The following RANBP17 variants were observed in gnomAD, a reference collection of about 807,000 sequenced individuals.
RANBP17 encodes RAN binding protein 17.
Under a neutral mutation model 141.2 loss-of-function variants are expected in RANBP17, and 158 were observed. The ratio of observed to expected loss-of-function variants is 1.12; its 90% CI spans 0.98 to 1.28. The LOEUF (loss-of-function observed/expected upper bound fraction) is 1.28. Among genes scored for constraint, RANBP17 ranks in the 50% most tolerant of loss-of-function variants. RANBP17 has a pLI of 0.00. For missense variants in RANBP17, 1,438 were observed against 1,290.7 expected, an observed-to-expected ratio of 1.11 and a Z score of -1.75; for synonymous variants, 430 against 450.0, an observed-to-expected ratio of 0.96 and a Z score of 0.56.
chr5:171,274,452 A>C (rs1767370531), intron 25 of RANBP17, among the ~76,000 whole-genome samples: 1 of 152,156 alleles, frequency 6.6e-6, no homozygotes, highest in Admixed American at 6.6e-5. Context: ...TTTGTTATTA[A>C]CCATATCTTT....
chr5:171,095,857 G>A (rs956082185), intron 14 of RANBP17, among the ~76,000 whole-genome samples: 2 of 152,068 alleles, frequency 1.3e-5, no homozygotes, highest in African/African-American at 4.8e-5. Context: ...AGCCTTACCA[G>A]TAAAATGAAC....
intron 14 of RANBP17, among the ~76,000 whole-genome samples, chr5:171,109,486 C>G (rs1755068660): frequency 6.6e-6 from 1 of 151,896 alleles, no homozygotes; most frequent in Non-Finnish European, 1.5e-5. Context: ...GACAGTCGTC[C>G]CTCAGTATCT....
chr5:171,096,607 C>T (rs1314563376), intron 14 of RANBP17, among the ~76,000 whole-genome samples: 2 of 152,036 alleles, frequency 1.3e-5, no homozygotes, highest in African/African-American at 4.8e-5. Flanking sequence ...GAGATACTGC[C>T]TACCAAAGGG....
At chr5:171,169,723 T>A (rs984782581) in intron 14 of RANBP17, among the ~76,000 whole-genome samples, 5 of 152,092 alleles carry the variant, frequency 3.3e-5, no homozygotes, top group African/African-American at 1.2e-4. Context: ...TGGTTAATAT[T>A]TTGCTGAAAT....
intron 14 of RANBP17, among the ~76,000 whole-genome samples, chr5:171,089,664 C>T (rs1271551027): frequency 5.9e-5 from 9 of 152,136 alleles, no homozygotes; most frequent in African/African-American, 1.7e-4. Context: ...TCTCGTGGTG[C>T]GCCGTTTTTT....
chr5:171,031,086 T>C (rs1707819107), intron 14 of RANBP17, among the ~76,000 whole-genome samples: 1 of 152,016 alleles, frequency 6.6e-6, no homozygotes. Flanking sequence ...GAACTAAAAT[T>C]TGGAAACTTA....
At chr5:171,280,085 G>A (rs1337348634) in intron 25 of RANBP17, among the ~76,000 whole-genome samples, 3 of 152,120 alleles carry the variant, frequency 2.0e-5, no homozygotes, top group African/African-American at 7.2e-5. Context: ...ACAGTATAAA[G>A]TAAGAGTGGG....
intron 21 of RANBP17, among the ~76,000 whole-genome samples, chr5:171,214,065 A>G (rs1763069187): frequency 6.6e-6 from 1 of 152,334 alleles, no homozygotes; most frequent in South Asian, 2.1e-4. Context: ...ATGCAATTCT[A>G]TAGAATTTTA....
chr5:171,090,569 C>A (rs1311535769), intron 14 of RANBP17, among the ~76,000 whole-genome samples: 1 of 152,124 alleles, frequency 6.6e-6, no homozygotes, highest in Non-Finnish European at 1.5e-5. Flanking sequence ...CGAATGTTAA[C>A]CACTAAGACA....
intron 16 of RANBP17, among the ~76,000 whole-genome samples, chr5:171,179,643 C>T (rs1328783045): frequency 6.6e-6 from 1 of 152,066 alleles, no homozygotes; most frequent in African/African-American, 2.4e-5. Flanking sequence ...GTATCTAGTA[C>T]ACTAATATAA....
rs181885542 is a variant in RANBP17 at position 171,043,026 on chromosome 5, G to A, written c.1710+74649G>A. Reference sequence around the variant, plus strand: ...AAAAAAGAGATATAGCTGATGGTGTGTATTGATTGATGACTACTTTCCTGT... The same window carrying A: ...AAAAAAGAGATATAGCTGATGGTGTATATTGATTGATGACTACTTTCCTGT... On this transcript the variant is annotated intron_variant, in intron 14 of 27. Coordinates refer to ENST00000523189, the MANE Select transcript of RANBP17 (RefSeq NM_022897.5). Among the ~76,000 whole-genome samples the A allele has an allele frequency of 4.7e-3, 720 of 152,282 alleles. 4 individuals carry two copies. Among genetic ancestry groups the A allele is most frequent in the African/African-American group, 0.017 (698 of 41,572 alleles).
intron 13 of RANBP17, among the ~76,000 whole-genome samples, chr5:170,960,516 T>C (rs1178350103): frequency 6.6e-6 from 1 of 152,182 alleles, no homozygotes; most frequent in African/African-American, 2.4e-5. Flanking sequence ...CCTTAACTTT[T>C]TCCCTTTTTC....
chr5:171,250,169 A>G (rs1765466562), intron 24 of RANBP17, among the ~76,000 whole-genome samples: 2 of 152,204 alleles, frequency 1.3e-5, no homozygotes, highest in South Asian at 4.1e-4. Context: ...AACCTTTGTA[A>G]ATGAAGGAGA....
chr5:170,995,743 A>G (rs923811728), intron 14 of RANBP17, among the ~76,000 whole-genome samples: 3 of 152,160 alleles, frequency 2.0e-5, no homozygotes, highest in Admixed American at 6.6e-5. Flanking sequence ...ATTTTCCTTT[A>G]TGAAAAATGT....
At chr5:171,000,625 C>T (rs1489607011) in intron 14 of RANBP17, among the ~76,000 whole-genome samples, 2 of 152,156 alleles carry the variant, frequency 1.3e-5, no homozygotes, top group Admixed American at 6.5e-5. Flanking sequence ...TTTGTGTGAG[C>T]AACAAGTCTG....
chr5:170,964,080 C>T (rs1776343396), intron 13 of RANBP17, among the ~76,000 whole-genome samples: 1 of 151,854 alleles, frequency 6.6e-6, no homozygotes, highest in Admixed American at 6.6e-5. Flanking sequence ...TTTCTGTCAT[C>T]CTGAATTATC....
intron 20 of RANBP17, chr5:171,207,597 G>C (rs1303929421): frequency 1.3e-5 from 2 of 152,194 alleles, no homozygotes; most frequent in Non-Finnish European, 2.9e-5. Flanking sequence ...GGGGCGGAGA[G>C]AAGTGTCAGT....
chr5:171,066,622 A>G (rs1022337583), intron 14 of RANBP17, among the ~76,000 whole-genome samples: 6 of 152,220 alleles, frequency 3.9e-5, no homozygotes, highest in African/African-American at 1.4e-4. Flanking sequence ...ATAATGCTGC[A>G]GTGAACGTGG....
At chr5:171,016,924 C>T (rs144729283) in intron 14 of RANBP17, among the ~76,000 whole-genome samples, 309 of 146,292 alleles carry the variant, frequency 2.1e-3, no homozygotes, top group African/African-American at 7.2e-3. Flanking sequence ...CCCCAACAGG[C>T]CCTGGCATGT....
Sources: gnomAD v4.1 joint callset for allele counts (sites outside exome capture counted in the v4.1 genomes callset) on GRCh38, gnomAD v4.1.1 for gene constraint, MANE v1.5 for transcripts, NCBI Gene and HGNC (gene_info 2026-07-23, HGNC 2026-07-21) for gene names.